Variants in CFAP61 observed in about 807,000 individuals in gnomAD.
The protein encoded by CFAP61 is cilia and flagella associated protein 61, also known as cilia- and flagella-associated protein 61.
A neutral mutation model predicts 135.6 loss-of-function variants in CFAP61; 107 were observed. That is an observed-to-expected ratio of 0.79 (90% CI 0.67 to 0.93). The LOEUF (loss-of-function observed/expected upper bound fraction) is 0.93, where lower values mean the gene tolerates loss of function less well. CFAP61 is among the 40% of genes least tolerant of loss of function. CFAP61 has a pLI of 0.00. For synonymous variants in CFAP61, 575 were observed against 578.5 expected (o/e 0.99, Z 0.09); for missense variants, 1,507 against 1,556.2 (o/e 0.97, Z 0.53).
rs184153674 is a variant in CFAP61 at position 20,150,937 on chromosome 20, A to G, written c.951+7989A>G. ...TTGAGTTCCAGATTTTTCCACTGAC[A>G]TAGTCTACCCAAATGAGAAGGAACC... On this transcript the variant is annotated intron_variant, in intron 9 of 26. Coordinates refer to ENST00000245957, the MANE Select transcript of CFAP61 (RefSeq NM_015585.4). Among the ~76,000 whole-genome samples, 27 of 152,014 alleles carry G rather than the reference A, an allele frequency of 1.8e-4. No homozygotes were observed. In the East Asian group the frequency reaches 4.8e-3, roughly 27 times the overall value.
chr20:20,162,261 T>C (rs4814949), intron 10 of CFAP61, among the ~76,000 whole-genome samples: 137,452 of 152,188 alleles, frequency 0.9, 62,888 homozygotes, highest in Middle Eastern at 0.99. Flanking sequence ...CTCCTCATCA[T>C]AGAACCCTTC....
intron 24 of CFAP61, among the ~76,000 whole-genome samples, chr20:20,295,630 G>A (rs1003910752): frequency 6.6e-6 from 1 of 152,054 alleles, no homozygotes; most frequent in African/African-American, 2.4e-5. Context: ...TACACATGGC[G>A]GTCACATTCT....
intron 11 of CFAP61, among the ~76,000 whole-genome samples, 175 bp downstream of exon 11, chr20:20,164,403 A>G (rs554185439): frequency 1.1e-4 from 17 of 152,296 alleles, no homozygotes; most frequent in African/African-American, 3.8e-4. Flanking sequence ...TAGTCCATCA[A>G]ATTTTAACAA....
intron 9 of CFAP61, among the ~76,000 whole-genome samples, chr20:20,146,310 TGAGAATG>T: frequency 6.6e-6 from 1 of 152,164 alleles, no homozygotes; most frequent in South Asian, 2.1e-4. Flanking sequence ...CATTGAGGAG[TGAGAATG>T]GGACCTCTCA....
intron 20 of CFAP61, among the ~76,000 whole-genome samples, chr20:20,255,091 G>A (rs2051419418): frequency 6.6e-6 from 1 of 152,178 alleles, no homozygotes; most frequent in African/African-American, 2.4e-5. Context: ...GTCAACTTCA[G>A]ACATTATCTA....
chr20:20,269,769 C>T (rs1281370780), intron 21 of CFAP61, among the ~76,000 whole-genome samples: 1 of 152,134 alleles, frequency 6.6e-6, no homozygotes, highest in Non-Finnish European at 1.5e-5. Context: ...GATATTTACC[C>T]ATATAAAATG....
intron 9 of CFAP61, among the ~76,000 whole-genome samples, chr20:20,143,584 A>T (rs1407226168): frequency 6.6e-6 from 1 of 152,188 alleles, no homozygotes; most frequent in Non-Finnish European, 1.5e-5. Context: ...AATATAGAAA[A>T]CACTGTTCAT....
In CFAP61 at chr20:20,197,544, G is replaced by C. The variant is rs1033816380; in HGVS notation, c.1797+768G>C. 4.6e-5 allele frequency among the ~76,000 whole-genome samples: 7 copies of C among 151,670 alleles called. No individual in the cohort carries two copies. The South Asian group carries it at 1.0e-3, about 23-fold the overall frequency. On this transcript the variant is annotated intron_variant, in intron 16 of 26. Transcript: ENST00000245957. ...AGAGTCACAAACACACACACACACA[G>C]AGACACCCCACACACTCTCATGCAT...
chr20:20,288,096 A>G (rs1422374905), intron 22 of CFAP61, among the ~76,000 whole-genome samples: 1 of 149,654 alleles, frequency 6.7e-6, no homozygotes, highest in Non-Finnish European at 1.5e-5. Context: ...CTGATGAAGC[A>G]TCCATCTTCT....
chr20:20,211,534 T>C (rs2047637116), intron 17 of CFAP61, among the ~76,000 whole-genome samples: 1 of 151,930 alleles, frequency 6.6e-6, no homozygotes, highest in African/African-American at 2.4e-5. Flanking sequence ...ATAAATAAGG[T>C]ATGAAAATAG....
intron 6 of CFAP61, among the ~76,000 whole-genome samples, chr20:20,084,756 A>G (rs1167111649): frequency 6.6e-6 from 1 of 152,186 alleles, no homozygotes; most frequent in Non-Finnish European, 1.5e-5. Flanking sequence ...CCCACCTTCC[A>G]GGAAGCCAGT....
intron 1 of CFAP61, 116 bp downstream of exon 1, chr20:20,052,707 G>C: frequency 2.5e-6 from 4 of 1,610,124 alleles, no homozygotes; most frequent in Non-Finnish European, 2.5e-6. Context: ...GAGTGGCTCT[G>C]TCGAGCCGTG....
Position 20,261,154 on chromosome 20 carries a change from C to T in CFAP61, c.2329-1802C>T, listed in dbSNP as rs1417705469. 2.0e-5 allele frequency among the ~76,000 whole-genome samples: 3 copies of T among 152,298 alleles called. No individual in the cohort carries two copies. The East Asian group carries it at 5.8e-4, about 29-fold the overall frequency. On this transcript the variant is annotated intron_variant, in intron 20 of 26. Transcript: ENST00000245957. ...TGGAGAGAGAATATCCAGCTTTAAA[C>T]ATTGGTTCTGTTTTGCTGTTTCATT...
chr20:20,100,319 T>A (rs1387690731), intron 8 of CFAP61, among the ~76,000 whole-genome samples: 5 of 151,980 alleles, frequency 3.3e-5, no homozygotes, highest in Non-Finnish European at 5.9e-5. Context: ...ATTACAGGTG[T>A]GCGCCACCAC....
At chr20:20,351,287 G>T (rs945377837) in intron 26 of CFAP61, among the ~76,000 whole-genome samples, 3 of 152,046 alleles carry the variant, frequency 2.0e-5, no homozygotes, top group Admixed American at 6.6e-5. Flanking sequence ...ACATACAAAA[G>T]TCAGTAGTGT....
At chr20:20,277,520 TG>T in intron 22 of CFAP61, 62 bp downstream of exon 22, 2 of 1,502,744 alleles carry the variant, frequency 1.3e-6, no homozygotes, top group South Asian at 1.3e-5. Context: ...CCAAGGGATT[TG>T]GGGGTCTGGA....
intron 16 of CFAP61, among the ~76,000 whole-genome samples, chr20:20,197,895 C>A (rs2056399162): frequency 1.3e-5 from 2 of 152,122 alleles, no homozygotes; most frequent in South Asian, 4.1e-4. Flanking sequence ...CTCATCAGCA[C>A]AAGGGAGCTA....
chr20:20,345,763 A>T (rs1161026016), intron 26 of CFAP61, among the ~76,000 whole-genome samples: 1 of 152,088 alleles, frequency 6.6e-6, no homozygotes, highest in African/African-American at 2.4e-5. Flanking sequence ...TCTGCTAAAA[A>T]TACAAAAAAT....
At chr20:20,299,682 G>C (rs186641293) in intron 25 of CFAP61, among the ~76,000 whole-genome samples, 1 of 152,296 alleles carries the variant, frequency 6.6e-6, no homozygotes, top group East Asian at 1.9e-4. Flanking sequence ...TGTTTAGCAC[G>C]GTGTTTGTGA....
Sources: gnomAD v4.1 joint callset for allele counts (sites outside exome capture counted in the v4.1 genomes callset) on GRCh38, gnomAD v4.1.1 for gene constraint, MANE v1.5 for transcripts, NCBI Gene and HGNC (gene_info 2026-07-23, HGNC 2026-07-21) for gene names.